The following IP6K1 variants were observed in gnomAD, a reference collection of about 807,000 sequenced individuals.
IP6K1 encodes the protein inositol hexakisphosphate kinase 1, also known as ATP:1D-myo-inositol-hexakisphosphate phosphotransferase.
A neutral mutation model predicts 38.3 loss-of-function variants in IP6K1; 13 were observed. The observed-to-expected ratio is 0.34, with a 90% CI of 0.22 to 0.54. IP6K1 has a LOEUF of 0.54. IP6K1 is among the 20% of genes least tolerant of loss of function. IP6K1 has a pLI of 0.92. For missense variants in IP6K1, 397 were observed against 599.8 expected, an observed-to-expected ratio of 0.66 and a Z score of 3.53; for synonymous variants, 212 against 229.9, an observed-to-expected ratio of 0.92 and a Z score of 0.70.
At chr3:49,778,020 T>C (rs1007001977) in intron 1 of IP6K1, among the ~76,000 whole-genome samples, 2 of 151,460 alleles carry the variant, frequency 1.3e-5, no homozygotes, top group Non-Finnish European at 2.9e-5. Flanking sequence ...GAAATGACTT[T>C]TTTTTTTTAA....
Position 49,774,252 on chromosome 3 carries a change from A to G in IP6K1, c.-129+12102T>C, listed in dbSNP as rs180724140. ...AAACCCCATCTCTACTAAAAATACAAAAAAAATTAGCCGGGTGCGGTGGCG... is the reference window on the plus strand; with the variant it reads ...AAACCCCATCTCTACTAAAAATACAGAAAAAATTAGCCGGGTGCGGTGGCG... On this transcript the variant is annotated intron_variant, in intron 1 of 5. Transcript: ENST00000321599. 3.1e-3 allele frequency among the ~76,000 whole-genome samples: 470 copies of G among 151,526 alleles called. 13 individuals are homozygous for G. The highest frequency in any genetic ancestry group is 0.028 in the Admixed American group (421 of 15,198).
intron 1 of IP6K1, among the ~76,000 whole-genome samples, chr3:49,768,759 G>A (rs142020847): frequency 6.6e-6 from 1 of 152,102 alleles, no homozygotes; most frequent in South Asian, 2.1e-4. Context: ...GACAGAGTGA[G>A]ACTGAGTCTC....
intron 2 of IP6K1, among the ~76,000 whole-genome samples, chr3:49,742,577 C>T (rs1028706512): frequency 2.0e-5 from 3 of 151,636 alleles, no homozygotes; most frequent in African/African-American, 7.3e-5. Flanking sequence ...AAAATAGAAG[C>T]ATAGTGGAAG....
intron 1 of IP6K1, among the ~76,000 whole-genome samples, chr3:49,750,347 G>A (rs759463607): frequency 6.6e-6 from 1 of 152,168 alleles, no homozygotes; most frequent in Non-Finnish European, 1.5e-5. Context: ...GGGTGGCTGG[G>A]AAAAGATAGG....
chr3:49,777,842 G>T (rs368761168), intron 1 of IP6K1, among the ~76,000 whole-genome samples: 1 of 151,960 alleles, frequency 6.6e-6, no homozygotes, highest in Admixed American at 6.6e-5. Flanking sequence ...GTGAACCCGG[G>T]AGGCGGAGCT....
At chr3:49,743,640 C>G (rs2080694191) in intron 2 of IP6K1, among the ~76,000 whole-genome samples, 1 of 124,282 alleles carries the variant, frequency 8.0e-6, no homozygotes, top group South Asian at 2.7e-4. Flanking sequence ...TTTTTTGAGA[C>G]AAGAGTTTCA....
rs71080547 is a variant in IP6K1, at chr3:49,740,228, CTT to C, written c.224-1808_224-1807del. ...CGATAGAAACATAAAATTTGCAATT[CTT>C]TTTTTTTTTTTTTTTTTTTTGGTAG... On this transcript the variant is annotated intron_variant, in intron 2 of 5. Transcript: ENST00000321599. Among the ~76,000 whole-genome samples the C allele has an allele frequency of 9.8e-3, 749 of 76,520 alleles. 4 individuals carry two copies. The highest frequency in any genetic ancestry group is 0.027 in the African/African-American group (581 of 21,302). The allele number at this position is 76,520 out of a possible 152,430, so 50.2% of individuals were successfully genotyped here.
chr3:49,747,688 CAA>C, intron 2 of IP6K1, 128 bp downstream of exon 2: 1 of 1,211,424 alleles, frequency 8.3e-7, no homozygotes, highest in Non-Finnish European at 1.1e-6. Flanking sequence ...TTTTATCTAA[CAA>C]AGTGACTTCG....
At chr3:49,744,364 T>C (rs1291425416) in intron 2 of IP6K1, among the ~76,000 whole-genome samples, 2 of 118,148 alleles carry the variant, frequency 1.7e-5, no homozygotes, top group Non-Finnish European at 3.2e-5. Flanking sequence ...ACTGCGCCAC[T>C]GCACTCCAAC....
rs1307134761 is a variant in IP6K1, at chr3:49,727,605, G to A, written c.843C>T (p.Gly281=). ...GHYLCRNKYY[G]RGLSIEGFRN... is the part of the protein sequence containing the mutation. The stretch of plus-strand genomic sequence containing the variant: ...GGAAGCCTTCAATGGAGAGCCCACG[G>A]CCATAGTACTTGTTCCTGCAGAGGT... The change falls in exon 6 of 6, where the codon GGC becomes GGT. Residue 281 remains glycine (G), a synonymous_variant. Transcript: ENST00000321599. The surrounding 1 kb of genome is among the most constrained non-coding windows in gnomAD (Gnocchi z 5.9). 6.2e-7 allele frequency: 1 copy of A among 1,614,206 alleles called. No individual in the cohort carries two copies. Among genetic ancestry groups the A allele is most frequent in the African/African-American group, 1.3e-5 (1 of 75,062 alleles).
At chr3:49,733,039 C>A in intron 3 of IP6K1, 67 bp from the exon 4 acceptor site, 1 of 1,258,246 alleles carries the variant, frequency 7.9e-7, no homozygotes. Flanking sequence ...TCCCGCTGCA[C>A]AGGGCACAGA....
chr3:49,779,238 T>C (rs542988290), intron 1 of IP6K1, among the ~76,000 whole-genome samples: 3 of 152,358 alleles, frequency 2.0e-5, no homozygotes, highest in African/African-American at 4.8e-5. Context: ...ATGTGAACTT[T>C]TGTATCTGAC....
chr3:49,749,808 C>A (rs1238055117), intron 1 of IP6K1, among the ~76,000 whole-genome samples: 3 of 150,880 alleles, frequency 2.0e-5, no homozygotes, highest in Non-Finnish European at 4.4e-5. Context: ...CCAGATTGCA[C>A]TATTTTAATG....
At chr3:49,765,933 T>C (rs2080907690) in intron 1 of IP6K1, among the ~76,000 whole-genome samples, 1 of 151,222 alleles carries the variant, frequency 6.6e-6, no homozygotes, top group Non-Finnish European at 1.5e-5. Context: ...TCCCAATACT[T>C]TGTGAGGCCG....
chr3:49,765,478 TAAAAAA>T (rs34207764), intron 1 of IP6K1, among the ~76,000 whole-genome samples: 6,978 of 108,446 alleles, frequency 0.064, 236 homozygotes, highest in Non-Finnish European at 0.088. Flanking sequence ...TGTTTCTACT[TAAAAAA>T]AAAAAAAAAA....
intron 1 of IP6K1, among the ~76,000 whole-genome samples, chr3:49,758,092 G>C (rs1033798232): frequency 6.6e-6 from 1 of 151,886 alleles, no homozygotes; most frequent in South Asian, 2.1e-4. Flanking sequence ...GGTGGATCAC[G>C]AGGTCAGGAG....
At chr3:49,761,816 T>C (rs2080870503) in intron 1 of IP6K1, among the ~76,000 whole-genome samples, 1 of 151,884 alleles carries the variant, frequency 6.6e-6, no homozygotes, top group Admixed American at 6.6e-5. Flanking sequence ...TAGGCAGGCA[T>C]GGTGGTACAT....
Position 49,767,307 on chromosome 3 carries a change from G to A in IP6K1, c.-129+19047C>T, listed in dbSNP as rs146174230. Among the ~76,000 whole-genome samples the A allele has an allele frequency of 2.8e-3, 421 of 151,924 alleles. 1 individual carries two copies. Among genetic ancestry groups the A allele is most frequent in the African/African-American group, 9.6e-3 (396 of 41,416 alleles). Reference sequence around the variant, plus strand: ...AAAATAATAATAATTGGCCAGGCGCGGTGGCTCACGCCTGTAATCCCAACA... The same window carrying A: ...AAAATAATAATAATTGGCCAGGCGCAGTGGCTCACGCCTGTAATCCCAACA... On this transcript the variant is annotated intron_variant, in intron 1 of 5. Transcript: ENST00000321599.
At chr3:49,741,302 C>T (rs764705023) in intron 2 of IP6K1, among the ~76,000 whole-genome samples, 10 of 152,216 alleles carry the variant, frequency 6.6e-5, no homozygotes, top group East Asian at 5.8e-4. Context: ...TTCTCCACAT[C>T]CTTGCCAACA....
Sources: gnomAD v4.1 joint callset for allele counts (sites outside exome capture counted in the v4.1 genomes callset) on GRCh38, gnomAD v4.1.1 for gene constraint, Gnocchi (gnomAD v3.1) non-coding constraint, MANE v1.5 for transcripts, NCBI Gene and HGNC (gene_info 2026-07-23, HGNC 2026-07-21) for gene names.